The following UBFD1 variants were observed in gnomAD, a reference collection of about 807,000 sequenced individuals.
UBFD1 encodes ubiquitin family domain containing 1, also known as ubiquitin domain-containing protein UBFD1.
Under a neutral mutation model 35.1 loss-of-function variants are expected in UBFD1, and 12 were observed. The observed-to-expected ratio is 0.34, with a 90% CI of 0.22 to 0.55. The LOEUF (loss-of-function observed/expected upper bound fraction) is 0.55. UBFD1 is among the 20% of genes least tolerant of loss of function. The pLI is 0.89. For missense variants in UBFD1, 337 were observed against 410.8 expected (o/e 0.82, Z 1.55); for synonymous variants, 178 against 167.6 (o/e 1.06, Z -0.48).
chr16:23,568,148 C>T (rs1966035701), intron 6 of UBFD1, among the ~76,000 whole-genome samples: 2 of 149,344 alleles, frequency 1.3e-5, no homozygotes, highest in Non-Finnish European at 1.5e-5. Flanking sequence ...CCCCTACTCT[C>T]TCTGTAGTCT....
At chr16:23,557,927 C>T in intron 1 of UBFD1, 23 bp from the exon 2 acceptor site, 1 of 1,308,098 alleles carries the variant, frequency 7.6e-7, no homozygotes, top group Non-Finnish European at 9.7e-7. Flanking sequence ...GCGGCGAGCG[C>T]CCACCCCCTA....
chr16:23,562,015 G>C, intron 3 of UBFD1, 191 bp from the exon 4 acceptor site: 1 of 568,172 alleles, frequency 1.8e-6, no homozygotes, highest in Non-Finnish European at 3.1e-6. Flanking sequence ...GCACAGGTAC[G>C]AACATATTCG....
Position 23,558,264 on chromosome 16 carries a change from A to G in UBFD1, c.340A>G (p.Ile114Val), listed in dbSNP as rs777685397. The change falls in exon 2 of 7, where the codon ATC (isoleucine) becomes GTC (valine). Residue 114 changes from isoleucine to valine, a missense_variant. Ile to Val is a conservative substitution (Grantham distance 29). Coordinates refer to ENST00000395878, the MANE Select transcript of UBFD1 (RefSeq NM_019116.3). ...DSTGSELKQK[I>V]HSITGLPPAM... is the part of the protein sequence containing the mutation. ...CACAGGCTCCGAGCTGAAACAGAAG[A>G]TCCACTCGATTACAGGTAATTCCTG... is the stretch of plus-strand genomic sequence containing the variant. The G allele has an allele frequency of 6.2e-7, 1 of 1,600,350 alleles. No individual in the cohort carries two copies. Among genetic ancestry groups the G allele is most frequent in the Non-Finnish European group, 8.5e-7 (1 of 1,173,962 alleles).
At chr16:23,559,964 C>G in intron 3 of UBFD1, 1 of 1,249,072 alleles carries the variant, frequency 8.0e-7, no homozygotes, top group Non-Finnish European at 1.1e-6. Flanking sequence ...GGGTTTCTCT[C>G]TCTTATTTAG....
chr16:23,562,864 T>A, intron 5 of UBFD1, 134 bp downstream of exon 5: 1 of 788,058 alleles, frequency 1.3e-6, no homozygotes, highest in Non-Finnish European at 2.1e-6. Context: ...TTCTGGCTTT[T>A]AAATTTGCTT....
intron 6 of UBFD1, 116 bp downstream of exon 6, chr16:23,567,185 T>G: frequency 1.1e-6 from 1 of 906,260 alleles, no homozygotes; most frequent in Non-Finnish European, 1.7e-6. Flanking sequence ...GAAGATGCAC[T>G]TTTTTAAGAC....
Position 23,568,041 on chromosome 16 carries a change from C to G in UBFD1, c.819+972C>G, listed in dbSNP as rs549206379. On this transcript the variant is annotated intron_variant, in intron 6 of 6. Coordinates refer to ENST00000395878, the MANE Select transcript of UBFD1 (RefSeq NM_019116.3). ...CCTGTTGGCATCCTGCCTAGTGTGG[C>G]TGTAGCAAGGCTGTAGCTGGGAGTG... Among the ~76,000 whole-genome samples, 4 of 152,292 alleles carry G rather than the reference C, an allele frequency of 2.6e-5. No homozygotes were observed. The South Asian group carries it at 8.3e-4, about 32-fold the overall frequency.
rs370414909 is a variant in UBFD1 at position 23,570,620 on chromosome 16, G to T, written c.*30G>T. 2.0e-4 allele frequency: 319 copies of T among 1,575,786 alleles called. No individual in the cohort carries two copies. The highest frequency in any genetic ancestry group is 2.7e-4 in the Non-Finnish European group (307 of 1,145,866). ...ACTTTCACCTCTGGCCCAGGAGACTGACCCAAAGTGAAGGACATTGCCGGG... is the reference window on the plus strand; with the variant it reads ...ACTTTCACCTCTGGCCCAGGAGACTTACCCAAAGTGAAGGACATTGCCGGG... On this transcript the variant is annotated 3_prime_UTR_variant, in exon 7 of 7. Transcript: ENST00000395878.
intron 6 of UBFD1, among the ~76,000 whole-genome samples, chr16:23,570,182 C>G (rs1966064294): frequency 6.6e-6 from 1 of 152,146 alleles, no homozygotes; most frequent in Non-Finnish European, 1.5e-5. Flanking sequence ...CACCCCAGAC[C>G]TCCCCAAATT....
At position 23,558,214 on chromosome 16, in the gene UBFD1, A is replaced by G. The variant is rs993637963; in HGVS notation, c.290A>G (p.His97Arg). ...DLKIIWNKTKHDVKFPLDSTG... is the reference protein window; with the variant it reads ...DLKIIWNKTKRDVKFPLDSTG... Reference sequence around the variant, plus strand: ...AAGATCATCTGGAATAAGACCAAGCATGACGTGAAGTTCCCCCTGGACAGC... The same window carrying G: ...AAGATCATCTGGAATAAGACCAAGCGTGACGTGAAGTTCCCCCTGGACAGC... Residue 97 changes from histidine (H) to arginine (R), a missense_variant, in exon 2 of 7, where the codon CAT becomes CGT. Coordinates refer to ENST00000395878, the MANE Select transcript of UBFD1 (RefSeq NM_019116.3). 6.2e-7 allele frequency: 1 copy of G among 1,611,026 alleles called. No individual in the cohort carries two copies. Among genetic ancestry groups the G allele is most frequent in the Non-Finnish European group, 8.5e-7 (1 of 1,178,818 alleles).
Position 23,573,834 on chromosome 16 carries a change from G to A in UBFD1, c.*3244G>A, listed in dbSNP as rs1966118899. The A allele has an allele frequency of 6.6e-6, 1 of 152,594 alleles. No individual in the cohort carries two copies. The allele number at this position is 152,594 out of a possible 1,614,324, so 9.5% of individuals were successfully genotyped here. A position where few individuals can be genotyped will look rare whatever the true frequency, so the allele number is the denominator to read the frequency against. ...CCTTTCTTTGCCAGGGGCAGAGAAG[G>A]GAAAGGGGGTAGATTGAGTGTGCCA... On this transcript the variant is annotated 3_prime_UTR_variant, in exon 7 of 7. Transcript: ENST00000395878.
rs372532946 is a variant in UBFD1, at chr16:23,567,083, G to T, written c.819+14G>T. On this transcript the variant is annotated intron_variant, in intron 6 of 6. Transcript: ENST00000395878. ...TACCACATGATGGTAAGTAGCGCTG[G>T]CTGAGTTCAGCCCCTCTCACTAGAC... 1.2e-6 allele frequency: 2 copies of T among 1,612,912 alleles called. No individual in the cohort carries two copies. Among genetic ancestry groups the T allele is most frequent in the Non-Finnish European group, 1.7e-6 (2 of 1,179,050 alleles).
At chr16:23,569,522 T>G (rs1196966952) in intron 6 of UBFD1, 1 of 152,076 alleles carries the variant, frequency 6.6e-6, no homozygotes, top group East Asian at 1.9e-4. Context: ...ACCGCTGCAC[T>G]CCAGCCTGGG....
rs1322108506 is a variant in UBFD1 at position 23,572,330 on chromosome 16, T to C, written c.*1740T>C. ...GCAGTCATTGCAGCTTTTCTGTCCT[T>C]GTCGGCCTGCAGTTCCTGGGGAAAA... On this transcript the variant is annotated 3_prime_UTR_variant, in exon 7 of 7. Coordinates refer to ENST00000395878, the MANE Select transcript of UBFD1 (RefSeq NM_019116.3). 6.6e-6 allele frequency: 1 copy of C among 152,296 alleles called. No homozygotes were observed. Among genetic ancestry groups the C allele is most frequent in the African/African-American group, 2.4e-5 (1 of 41,472 alleles). 9.4% of individuals were successfully genotyped at this position (152,296 alleles called of 1,614,324 possible).
chr16:23,571,280 GA>G lies in UBFD1; in HGVS notation c.*691del, dbSNP rs1487864434. The G allele has an allele frequency of 6.5e-6, 1 of 152,736 alleles. No homozygotes were observed. Among genetic ancestry groups the G allele is most frequent in the African/African-American group, 2.4e-5 (1 of 41,472 alleles). The allele number at this position is 152,736 out of a possible 1,614,324, so 9.5% of individuals were successfully genotyped here. A position where few individuals can be genotyped will look rare whatever the true frequency, so the allele number is the denominator to read the frequency against. ...CTGTGAACGCACGGTGGGAGAGGAA[GA>G]GCTGCTCAGTCTTGGGCAAGGAGCT... On this transcript the variant is annotated 3_prime_UTR_variant, in exon 7 of 7. Coordinates refer to ENST00000395878, the MANE Select transcript of UBFD1 (RefSeq NM_019116.3).
chr16:23,565,244 A>T (rs914167380), intron 5 of UBFD1: 3 of 152,164 alleles, frequency 2.0e-5, no homozygotes, highest in African/African-American at 7.2e-5. Flanking sequence ...CGCTTTGCTG[A>T]GTAAGTGACC....
intron 6 of UBFD1, 95 bp downstream of exon 6, chr16:23,567,164 C>T (rs1330824306): frequency 3.3e-6 from 4 of 1,210,886 alleles, no homozygotes; most frequent in Non-Finnish European, 4.8e-6. Flanking sequence ...CGGAAGAAAA[C>T]TCAGTCTCCA....
At chr16:23,567,877 A>C (rs1966032408) in intron 6 of UBFD1, among the ~76,000 whole-genome samples, 1 of 152,272 alleles carries the variant, frequency 6.6e-6, no homozygotes, top group South Asian at 2.1e-4. Flanking sequence ...ACATCAGCCC[A>C]TCCCAGGGAA....
rs1191080645 is a variant in UBFD1, at chr16:23,558,111, G to A, written c.187G>A (p.Gly63Arg). The change falls in exon 2 of 7, where the codon GGG becomes AGG. Residue 63 changes from glycine to arginine, a missense_variant. Coordinates refer to ENST00000395878, the MANE Select transcript of UBFD1 (RefSeq NM_019116.3). ...SLQPAPAQPP[G>R]DPAAQASVSN... ...GCAGCCGGCCCCGGCCCAGCCCCCT[G>A]GGGACCCCGCAGCCCAGGCCTCGGT... 3 of 1,578,292 alleles carry A rather than the reference G, an allele frequency of 1.9e-6. No individual in the cohort carries two copies. Among genetic ancestry groups the A allele is most frequent in the South Asian group, 2.3e-5 (2 of 87,256 alleles).
Sources: allele counts gnomAD v4.1 joint callset (sites outside exome capture counted in the v4.1 genomes callset), GRCh38; gene constraint gnomAD v4.1.1; transcripts MANE v1.5; gene names NCBI Gene and HGNC (gene_info 2026-07-23, HGNC 2026-07-21).